SYNE3: variants seen among roughly 807,000 people sequenced by gnomAD.
The protein encoded by SYNE3 is spectrin repeat containing nuclear envelope family member 3.
SYNE3 carries 100 observed loss-of-function variants against 111.2 expected under a neutral mutation model. The observed-to-expected ratio is 0.90, with a 90% CI of 0.77 to 1.06. The LOEUF (loss-of-function observed/expected upper bound fraction) is 1.06. Ranked by LOEUF, SYNE3 falls within the 50% of genes least tolerant of loss-of-function variation. The pLI is 0.00. For missense variants in SYNE3, 1,160 were observed against 1,240.3 expected, an observed-to-expected ratio of 0.94 and a Z score of 0.97; for synonymous variants, 547 against 533.9, an observed-to-expected ratio of 1.02 and a Z score of -0.34.
intron 11 of SYNE3, among the ~76,000 whole-genome samples, chr14:95,442,917 G>A (rs1313308867): frequency 6.6e-6 from 1 of 152,206 alleles, no homozygotes; most frequent in Non-Finnish European, 1.5e-5. Context: ...GAGAGCAGGG[G>A]CCTGGGCTGT....
intron 1 of SYNE3, among the ~76,000 whole-genome samples, chr14:95,504,668 G>A (rs1890462911): frequency 6.6e-6 from 1 of 152,078 alleles, no homozygotes; most frequent in South Asian, 2.1e-4. Context: ...CTCACGGTGT[G>A]AATTACTACA....
chr14:95,477,274 C>A (rs1289971529), intron 1 of SYNE3, among the ~76,000 whole-genome samples: 4 of 152,210 alleles, frequency 2.6e-5, no homozygotes, highest in African/African-American at 9.6e-5. Context: ...TTAGCCCCTT[C>A]CAGGCCTGGC....
chr14:95,472,511 G>A (rs951328601), intron 2 of SYNE3, among the ~76,000 whole-genome samples: 3 of 152,176 alleles, frequency 2.0e-5, no homozygotes, highest in Non-Finnish European at 2.9e-5. Context: ...CACAAGAAAC[G>A]ATCGCCTCCA....
In SYNE3 at chr14:95,470,468, A is replaced by G. The variant is rs1888456743; in HGVS notation, c.145-2501T>C. On this transcript the variant is annotated intron_variant, in intron 2 of 17. Coordinates refer to ENST00000682763, the MANE Select transcript of SYNE3 (RefSeq NM_152592.6). This position sits in a 1 kb window ranked among gnomAD's most constrained non-coding sequence, Gnocchi z 4.2. The stretch of plus-strand genomic sequence containing the variant: ...CAAGACAGTGAGGCCCCATCTCTCC[A>G]AAAGCATTTTTTTTAATTAAAAAAA... Among the ~76,000 whole-genome samples the G allele has an allele frequency of 6.6e-6, 1 of 151,176 alleles. No homozygotes were observed. The highest frequency in any genetic ancestry group is 2.5e-5 in the African/African-American group (1 of 40,792).
chr14:95,477,647 T>C (rs916789701), intron 1 of SYNE3, among the ~76,000 whole-genome samples: 4 of 152,130 alleles, frequency 2.6e-5, no homozygotes, highest in Admixed American at 1.3e-4. Flanking sequence ...CCAAAGGATG[T>C]GGGCTGGCCA....
chr14:95,489,507 C>G (rs1283042735), intron 1 of SYNE3, among the ~76,000 whole-genome samples: 2 of 152,236 alleles, frequency 1.3e-5, no homozygotes, highest in Non-Finnish European at 2.9e-5. Flanking sequence ...GTGGCACTTA[C>G]TGACACACAG....
At position 95,516,607 on chromosome 14, in the gene SYNE3, G is replaced by C. The variant is rs867591926; in HGVS notation, c.-26C>G. ...CCCGTGCCACTTACCCTCCCGGAGC[G>C]TGGAGGAGCGCGGCGCCGCGGGTAG... is the stretch of plus-strand genomic sequence containing the variant. On this transcript the variant is annotated 5_prime_UTR_variant, in exon 1 of 18. Transcript: ENST00000682763. Among the ~76,000 whole-genome samples, 55 of 139,418 alleles carry C rather than the reference G, an allele frequency of 3.9e-4. No individual in the cohort carries two copies. The highest frequency in any genetic ancestry group is 1.2e-3 in the African/African-American group (49 of 39,720). The allele number at this position is 139,418 out of a possible 152,430, so 91.5% of individuals were successfully genotyped here. A position where few individuals can be genotyped will look rare whatever the true frequency, so the allele number is the denominator to read the frequency against.
At position 95,455,679 on chromosome 14, in the gene SYNE3, G is replaced by A. The variant is rs767879009; in HGVS notation, c.835C>T (p.Leu279=). 1.2e-6 allele frequency: 2 copies of A among 1,614,198 alleles called. No individual in the cohort carries two copies. The highest frequency in any genetic ancestry group is 2.2e-5 in the South Asian group (2 of 91,086). The change falls in exon 6 of 18, where the codon CTG becomes TTG. Residue 279 remains leucine, a synonymous_variant. Transcript: ENST00000682763. ...FPRGEESLET[L]EEQSAGVIRN... ...ATGACACCCGCAGACTGCTCCTCCA[G>A]CGTCTCCAGAGACTCCTCGCCCCTG...
chr14:95,510,681 A>G (rs7158925), intron 1 of SYNE3, among the ~76,000 whole-genome samples: 17,074 of 152,108 alleles, frequency 0.11, 1,176 homozygotes, highest in African/African-American at 0.2. Flanking sequence ...CCAGCTACTC[A>G]GGAAGCTGAG....
chr14:95,469,566 C>T (rs1002550700), intron 2 of SYNE3, among the ~76,000 whole-genome samples: 1 of 148,972 alleles, frequency 6.7e-6, no homozygotes, highest in South Asian at 2.1e-4. Flanking sequence ...TAAAAATTAG[C>T]CGGATGTAGT....
chr14:95,473,043 C>A (rs182169197), intron 2 of SYNE3, among the ~76,000 whole-genome samples: 106 of 152,294 alleles, frequency 7.0e-4, no homozygotes, highest in Non-Finnish European at 1.1e-3. Flanking sequence ...ATGGGTAGGT[C>A]GAGAGGCACT....
Position 95,415,294 on chromosome 14 carries a change from C to G in SYNE3, c.*2532G>C, listed in dbSNP as rs1903546008. 1 of 141,038 alleles carries G rather than the reference C, an allele frequency of 7.1e-6. No homozygotes were observed. Among genetic ancestry groups the G allele is most frequent in the Non-Finnish European group, 1.6e-5 (1 of 64,488 alleles). 8.7% of individuals were successfully genotyped at this position (141,038 alleles called of 1,614,324 possible). On this transcript the variant is annotated 3_prime_UTR_variant, in exon 18 of 18. Coordinates refer to ENST00000682763, the MANE Select transcript of SYNE3 (RefSeq NM_152592.6). Reference sequence around the variant, plus strand: ...TGGCAAGGCCCCCCCACCCACCCACCCTGCCACTGCTCTGACTTCCAGGAC... The same window carrying G: ...TGGCAAGGCCCCCCCACCCACCCACGCTGCCACTGCTCTGACTTCCAGGAC...
intron 17 of SYNE3, among the ~76,000 whole-genome samples, chr14:95,423,749 T>G (rs1167360597): frequency 9.7e-6 from 1 of 102,650 alleles, no homozygotes; most frequent in African/African-American, 3.8e-5. Context: ...GATGGGGATT[T>G]GATGGGGATG....
chr14:95,497,153 C>A (rs35898659), intron 1 of SYNE3, among the ~76,000 whole-genome samples: 11,826 of 152,290 alleles, frequency 0.078, 629 homozygotes, highest in Admixed American at 0.18. Flanking sequence ...AGCCCCTGTC[C>A]CCCCACACAG....
chr14:95,455,092 G>T (rs1887329420), intron 6 of SYNE3, among the ~76,000 whole-genome samples: 1 of 152,172 alleles, frequency 6.6e-6, no homozygotes. Flanking sequence ...AAACCTGGCT[G>T]CCCAATCCCC....
Position 95,482,968 on chromosome 14 carries a change from G to A in SYNE3, c.-14-7133C>T, listed in dbSNP as rs531286249. ...AAACTCTTTGCTATTAAATCCCCTGGTGCCACACAGCTTCCACGGCCCTCT... is the reference window on the plus strand; with the variant it reads ...AAACTCTTTGCTATTAAATCCCCTGATGCCACACAGCTTCCACGGCCCTCT... On this transcript the variant is annotated intron_variant, in intron 1 of 17. Coordinates refer to ENST00000682763, the MANE Select transcript of SYNE3 (RefSeq NM_152592.6). Among the ~76,000 whole-genome samples the A allele has an allele frequency of 9.7e-4, 148 of 152,234 alleles. 4 individuals are homozygous for A. The South Asian group carries it at 0.012, about 13-fold the overall frequency.
At chr14:95,456,339 A>G (rs550186212) in intron 5 of SYNE3, 9 of 152,774 alleles carry the variant, frequency 5.9e-5, no homozygotes, top group Admixed American at 3.9e-4. Flanking sequence ...AAAGCCATTC[A>G]GCAGGTGAAA....
rs369439780 is a variant in SYNE3 at position 95,500,690 on chromosome 14, C to T, written c.-15+15906G>A. Among the ~76,000 whole-genome samples the T allele has an allele frequency of 3.0e-4, 46 of 152,208 alleles. No individual in the cohort carries two copies. Among genetic ancestry groups the T allele is most frequent in the African/African-American group, 1.1e-3 (45 of 41,456 alleles). ...CCCGCTGATCCTCTCCCTGACCACC[C>T]GTGGGACAGTGGCCAGCCATTTTAA... On this transcript the variant is annotated intron_variant, in intron 1 of 17. Transcript: ENST00000682763. This position sits in a 1 kb window ranked among gnomAD's most constrained non-coding sequence, Gnocchi z 4.7.
chr14:95,462,988 T>G (rs1204984266), intron 4 of SYNE3, among the ~76,000 whole-genome samples: 1 of 152,066 alleles, frequency 6.6e-6, no homozygotes, highest in Non-Finnish European at 1.5e-5. Context: ...AGACCCCATC[T>G]CTACTAAAAA....
Sources: allele counts gnomAD v4.1 joint callset (sites outside exome capture counted in the v4.1 genomes callset), GRCh38; gene constraint gnomAD v4.1.1; non-coding constraint Gnocchi (gnomAD v3.1); transcripts MANE v1.5; gene names NCBI Gene and HGNC (gene_info 2026-07-23, HGNC 2026-07-21).